The following TRIM61 variants were observed in gnomAD, a reference collection of about 807,000 sequenced individuals.
TRIM61 encodes the protein tripartite motif containing 61.
In TRIM61, 1 loss-of-function variant was observed where a neutral mutation model predicts 14.2. The ratio of observed to expected loss-of-function variants is 0.07; its 90% CI spans 0.03 to 0.33. TRIM61 has a LOEUF of 0.33. Ranked by LOEUF, TRIM61 falls within the 10% of genes least tolerant of loss-of-function variation. The probability of loss-of-function intolerance (pLI) is 0.99; values close to 1 mark genes in which losing one functional copy is unlikely to be tolerated. For synonymous variants in TRIM61, 8 were observed against 71.6 expected, an observed-to-expected ratio of 0.11 and a Z score of 4.49; for missense variants, 19 against 202.2, an observed-to-expected ratio of 0.09 and a Z score of 5.49.
rs1027835280 is a variant in TRIM61 at position 164,956,235 on chromosome 4, T to G, written c.526-1139A>C. ...GGCGGGCCAACATGTCCGGCTAATTTTTGTATTTTTTGTACAGACAGGGTT... is the reference window on the plus strand; with the variant it reads ...GGCGGGCCAACATGTCCGGCTAATTGTTGTATTTTTTGTACAGACAGGGTT... On this transcript the variant is annotated intron_variant, in intron 3 of 4. Coordinates refer to ENST00000329314, the MANE Select transcript of TRIM61 (RefSeq NM_001012414.3). 4.6e-5 allele frequency among the ~76,000 whole-genome samples: 7 copies of G among 152,160 alleles called. No homozygotes were observed. The South Asian group carries it at 1.5e-3, about 32-fold the overall frequency.
At chr4:164,962,389 T>TTGTGTG (rs147058101) in intron 3 of TRIM61, among the ~76,000 whole-genome samples, 259 of 146,516 alleles carry the variant, frequency 1.8e-3, no homozygotes, top group African/African-American at 4.4e-3. Flanking sequence ...CCTGGCTAAT[T>TTGTGTG]TGTGTGTGTG....
intron 3 of TRIM61, among the ~76,000 whole-genome samples, chr4:164,965,775 T>C (rs1320011045): frequency 6.6e-6 from 1 of 152,200 alleles, no homozygotes; most frequent in Non-Finnish European, 1.5e-5. Context: ...TAACAATGTA[T>C]TTCCCAATTT....
chr4:164,970,117 A>ATAGTTGATCAGATT lies in TRIM61; in HGVS notation c.-116_-115insAATCTGATCAACTA. The ATAGTTGATCAGATT allele has an allele frequency of 9.5e-7, 1 of 1,054,678 alleles. No homozygotes were observed. The highest frequency in any genetic ancestry group is 1.3e-6 in the Non-Finnish European group (1 of 742,650). 65.3% of individuals were successfully genotyped at this position (1,054,678 alleles called of 1,614,324 possible). A position where few individuals can be genotyped will look rare whatever the true frequency, so the allele number is the denominator to read the frequency against. On this transcript the variant is annotated 5_prime_UTR_variant, in exon 3 of 5. Transcript: ENST00000329314. ...TATACTCCCCAGACCTTGAAATCTG[A>ATAGTTGATCAGATT]TCAACTATCAGTTTTACTGACTTGG...
intron 3 of TRIM61, chr4:164,957,729 G>A (rs577273812): frequency 1.9e-6 from 1 of 538,746 alleles, no homozygotes; most frequent in South Asian, 2.9e-5. Context: ...AAAATATAAA[G>A]AATAGGATAT....
At chr4:164,957,660 G>T in intron 3 of TRIM61, 1 of 842,216 alleles carries the variant, frequency 1.2e-6, no homozygotes, top group East Asian at 2.8e-5. Flanking sequence ...ATTAAACTCT[G>T]ATTTTGAGCA....
chr4:164,973,506 G>A (rs17623445), intron 2 of TRIM61, among the ~76,000 whole-genome samples: 23,973 of 152,094 alleles, frequency 0.16, 2,754 homozygotes, highest in East Asian at 0.61. Context: ...ACACTACAAT[G>A]GAGAAAAGAG....
At chr4:164,957,821 C>T (rs181776248) in intron 3 of TRIM61, 1 of 224,928 alleles carries the variant, frequency 4.4e-6, no homozygotes, top group East Asian at 1.1e-4. Flanking sequence ...GCAGAGTAAA[C>T]TATTCACTCA....
chr4:164,967,332 A>C (rs1230263489), intron 3 of TRIM61, among the ~76,000 whole-genome samples: 1 of 152,184 alleles, frequency 6.6e-6, no homozygotes. Flanking sequence ...ATCCCATCAA[A>C]AGCTCGTCTT....
In TRIM61 at chr4:164,957,162, A is replaced by T. The variant is rs909253446; in HGVS notation, c.526-2066T>A. On this transcript the variant is annotated intron_variant, in intron 3 of 4. Transcript: ENST00000329314. Reference sequence around the variant, plus strand: ...GCTTCGGGTCTCCCTAACAGACCTTATACGCTGACCGGCGGCCGCCATGGC... The same window carrying T: ...GCTTCGGGTCTCCCTAACAGACCTTTTACGCTGACCGGCGGCCGCCATGGC... The T allele has an allele frequency of 6.2e-6, 10 of 1,611,676 alleles. No individual in the cohort carries two copies. In the African/African-American group the frequency reaches 9.4e-5, roughly 15 times the overall value.
intron 3 of TRIM61, chr4:164,956,965 A>G: frequency 7.0e-7 from 1 of 1,430,154 alleles, no homozygotes; most frequent in Non-Finnish European, 9.2e-7. Flanking sequence ...CTTCCGGGTG[A>G]GACCGTGAAG....
At chr4:164,955,494 A>G (rs1223380709) in intron 3 of TRIM61, among the ~76,000 whole-genome samples, 1 of 150,764 alleles carries the variant, frequency 6.6e-6, no homozygotes, top group African/African-American at 2.4e-5. Flanking sequence ...GCTTGAGGTC[A>G]AGAGTTTGAG....
At chr4:164,967,120 T>C (rs1732259852) in intron 3 of TRIM61, among the ~76,000 whole-genome samples, 1 of 152,172 alleles carries the variant, frequency 6.6e-6, no homozygotes, top group African/African-American at 2.4e-5. Context: ...TGTATACTAG[T>C]AATGAACAAC....
intron 3 of TRIM61, 156 bp downstream of exon 3, chr4:164,968,125 C>G: frequency 1.0e-6 from 1 of 979,330 alleles, no homozygotes. Context: ...TGCACTCCAG[C>G]CTGGGCAACG....
At chr4:164,957,191 G>A (rs772109149) in intron 3 of TRIM61, 2 of 1,613,718 alleles carry the variant, frequency 1.2e-6, no homozygotes, top group South Asian at 2.2e-5. Context: ...CCATGGCAGT[G>A]TCTCTTTGCT....
At chr4:164,965,082 G>T (rs533207884) in intron 3 of TRIM61, among the ~76,000 whole-genome samples, 21 of 152,272 alleles carry the variant, frequency 1.4e-4, no homozygotes, top group African/African-American at 4.8e-4. Context: ...GAGATCAGAA[G>T]TTTGAGACCA....
At chr4:164,962,692 TA>T (rs145808366) in intron 3 of TRIM61, among the ~76,000 whole-genome samples, 193 of 139,694 alleles carry the variant, frequency 1.4e-3, no homozygotes, top group Non-Finnish European at 1.6e-3. Context: ...CAAGAAATGT[TA>T]AAAAAAAAAA....
chr4:164,960,811 C>T (rs938833099), intron 3 of TRIM61, among the ~76,000 whole-genome samples: 3 of 151,752 alleles, frequency 2.0e-5, no homozygotes, highest in South Asian at 2.1e-4. Context: ...ATTAGCTGGG[C>T]GTGGTGACAC....
chr4:164,961,153 CAAAAAAAAAA>C (rs762554625), intron 3 of TRIM61, among the ~76,000 whole-genome samples: 26 of 31,702 alleles, frequency 8.2e-4, no homozygotes, highest in Middle Eastern at 0.02. Flanking sequence ...AACTCTCAGG[CAAAAAAAAAA>C]AAAAAAAAAA....
At chr4:164,956,716 GT>G (rs1415841222) in intron 3 of TRIM61, among the ~76,000 whole-genome samples, 1 of 152,214 alleles carries the variant, frequency 6.6e-6, no homozygotes, top group Non-Finnish European at 1.5e-5. Flanking sequence ...ATTCTCTTCT[GT>G]TAAGGCGGGG....
Sources: gnomAD v4.1 joint callset for allele counts (sites outside exome capture counted in the v4.1 genomes callset) on GRCh38, gnomAD v4.1.1 for gene constraint, MANE v1.5 for transcripts, NCBI Gene and HGNC (gene_info 2026-07-23, HGNC 2026-07-21) for gene names.